ATR: variants seen among roughly 807,000 people sequenced by gnomAD.
ATR encodes ATR checkpoint kinase.
ATR carries 142 observed loss-of-function variants against 305.3 expected under a neutral mutation model. That is an observed-to-expected ratio of 0.47 (90% confidence interval 0.41 to 0.53). The LOEUF is 0.53. Among genes scored for constraint, ATR ranks in the 20% least tolerant of loss-of-function variants. The pLI is 0.00. For missense variants in ATR, 2,135 were observed against 3,133.1 expected (o/e 0.68, Z 7.60); for synonymous variants, 1,050 against 1,068.1 (o/e 0.98, Z 0.33).
chr3:142,563,656 C>G (rs1017924140), intron 3 of ATR, among the ~76,000 whole-genome samples: 8 of 152,124 alleles, frequency 5.3e-5, no homozygotes, highest in African/African-American at 1.7e-4. Flanking sequence ...ATTAATAACC[C>G]TTACAATGGC....
At chr3:142,464,582 T>C (rs2071087323) in intron 41 of ATR, among the ~76,000 whole-genome samples, 1 of 152,194 alleles carries the variant, frequency 6.6e-6, no homozygotes, top group Non-Finnish European at 1.5e-5. Context: ...TGCTGTAAAA[T>C]GAATGAACTT....
Position 142,559,396 on chromosome 3 carries a change from A to G in ATR, c.1587T>C (p.Ser529=). Residue 529 remains serine (S), a synonymous_variant, in exon 7 of 47, where the codon TCT becomes TCC. Transcript: ENST00000350721. ...DCQHKSKKKP[S]VVITWMSLDF... is the part of the protein sequence containing the mutation. ...CCAATGACATCCAAGTTATCACTAC[A>G]GAAGGTTTCTTCTTGGATTTATGTT... is the stretch of plus-strand genomic sequence containing the variant. 1.9e-6 allele frequency: 3 copies of G among 1,613,992 alleles called. No homozygotes were observed. Among genetic ancestry groups the G allele is most frequent in the Non-Finnish European group, 1.7e-6 (2 of 1,179,918 alleles).
intron 38 of ATR, among the ~76,000 whole-genome samples, chr3:142,468,379 TAA>T (rs2071180210): frequency 6.6e-6 from 1 of 152,074 alleles, no homozygotes; most frequent in African/African-American, 2.4e-5. Flanking sequence ...ACTAAACAGT[TAA>T]ATAAGTTATT....
Position 142,485,285 on chromosome 3 carries a change from A to T in ATR, c.6079-3T>A. ...TCTGGCAGGCACGCGGTCACATCCT[A>T]TAAAAAAGAACATAGGATACCTACC... is the stretch of plus-strand genomic sequence containing the variant. On this transcript the variant is annotated splice_region_variant and splice_polypyrimidine_tract_variant and intron_variant, in intron 35 of 46. Transcript: ENST00000350721. 2 of 1,614,038 alleles carry T rather than the reference A, an allele frequency of 1.2e-6. No individual in the cohort carries two copies. The highest frequency in any genetic ancestry group is 2.2e-5 in the South Asian group (2 of 91,066).
intron 22 of ATR, among the ~76,000 whole-genome samples, chr3:142,523,253 CT>C (rs2033229503): frequency 6.6e-6 from 1 of 152,036 alleles, no homozygotes; most frequent in African/African-American, 2.4e-5. Context: ...AAGCCCATCT[CT>C]ACTAAAAATA....
At chr3:142,495,983 C>T (rs2031566281) in intron 34 of ATR, among the ~76,000 whole-genome samples, 1 of 151,818 alleles carries the variant, frequency 6.6e-6, no homozygotes, top group Admixed American at 6.6e-5. Context: ...GACAGAGTTA[C>T]ATTCATTTAA....
chr3:142,480,629 T>C (rs558470719), intron 36 of ATR, among the ~76,000 whole-genome samples: 1 of 152,310 alleles, frequency 6.6e-6, no homozygotes, highest in South Asian at 2.1e-4. Flanking sequence ...GACAGGGACA[T>C]TTAAGTCTGC....
chr3:142,551,865 A>G lies in ATR; in HGVS notation c.2805+1362T>C, dbSNP rs1271748417. 3.3e-5 allele frequency among the ~76,000 whole-genome samples: 5 copies of G among 152,226 alleles called. No homozygotes were observed. The East Asian group carries it at 9.6e-4, about 29-fold the overall frequency. ...GAGCTTCTGCACAGCAAAATAAACT[A>G]TCATCACAGTGGACAGACAACCTAC... On this transcript the variant is annotated intron_variant, in intron 13 of 46. Transcript: ENST00000350721.
At chr3:142,503,488 C>T in intron 29 of ATR, 35 bp from the exon 30 acceptor site, 1 of 1,372,712 alleles carries the variant, frequency 7.3e-7, no homozygotes. Context: ...TAGCAATTAT[C>T]ACTTCAATAA....
At chr3:142,491,942 TA>T (rs1383711142) in intron 35 of ATR, among the ~76,000 whole-genome samples, 1 of 152,234 alleles carries the variant, frequency 6.6e-6, no homozygotes, top group African/African-American at 2.4e-5. Context: ...TCTACTGATT[TA>T]TTTTTTTTCC....
chr3:142,566,286 A>G (rs1436352861), intron 2 of ATR, 25 bp from the exon 3 acceptor site: 1 of 1,611,024 alleles, frequency 6.2e-7, no homozygotes, highest in Admixed American at 1.7e-5. Flanking sequence ...TTCATTTTAA[A>G]GAGTCATGAC....
chr3:142,484,655 A>G (rs2030791011), intron 36 of ATR, among the ~76,000 whole-genome samples: 1 of 152,210 alleles, frequency 6.6e-6, no homozygotes, highest in Admixed American at 6.5e-5. Context: ...CCCAACTTGA[A>G]GCCAGTTGGT....
At chr3:142,470,016 C>T in intron 37 of ATR, 70 bp downstream of exon 37, 1 of 1,252,534 alleles carries the variant, frequency 8.0e-7, no homozygotes, top group Non-Finnish European at 1.1e-6. Context: ...TTAGACTGTC[C>T]AGCCAAATCT....
chr3:142,559,565 T>A, intron 6 of ATR, 124 bp from the exon 7 acceptor site: 1 of 904,812 alleles, frequency 1.1e-6, no homozygotes, highest in Non-Finnish European at 1.7e-6. Flanking sequence ...CAATTTAAAG[T>A]AAACATGCAA....
chr3:142,465,627 T>C (rs1217849286), intron 40 of ATR: 1 of 159,216 alleles, frequency 6.3e-6, no homozygotes, highest in Non-Finnish European at 1.4e-5. Flanking sequence ...TAAAAGTAGT[T>C]TGATTTTTGA....
chr3:142,494,839 T>C (rs2031492174), intron 34 of ATR, among the ~76,000 whole-genome samples: 2 of 152,232 alleles, frequency 1.3e-5, no homozygotes, highest in Non-Finnish European at 2.9e-5. Context: ...TGATTCGATG[T>C]GGATTTTAGA....
At chr3:142,483,847 A>G (rs1051286000) in intron 36 of ATR, among the ~76,000 whole-genome samples, 1 of 150,978 alleles carries the variant, frequency 6.6e-6, no homozygotes, top group Non-Finnish European at 1.5e-5. Context: ...TAAATAAAAT[A>G]AAATAAAATG....
In ATR at chr3:142,460,726, T is replaced by G. The variant is rs536146972; in HGVS notation, c.7192+1214A>C. 9.2e-5 allele frequency among the ~76,000 whole-genome samples: 14 copies of G among 152,302 alleles called. No homozygotes were observed. In the East Asian group the frequency reaches 2.7e-3, roughly 29 times the overall value. The stretch of plus-strand genomic sequence containing the variant: ...TGAAAACATATACTTATTTTCTACT[T>G]CACTTTGACAACTTGATCTATTCAT... On this transcript the variant is annotated intron_variant, in intron 42 of 46. Coordinates refer to ENST00000350721, the MANE Select transcript of ATR (RefSeq NM_001184.4).
chr3:142,564,185 G>A (rs935311031), intron 3 of ATR, among the ~76,000 whole-genome samples: 12 of 150,058 alleles, frequency 8.0e-5, no homozygotes, highest in South Asian at 2.1e-4. Context: ...AAGGTACAAC[G>A]TAAACATAAC....
Sources: gnomAD v4.1 joint callset for allele counts (sites outside exome capture counted in the v4.1 genomes callset) on GRCh38, gnomAD v4.1.1 for gene constraint, MANE v1.5 for transcripts, NCBI Gene and HGNC (gene_info 2026-07-23, HGNC 2026-07-21) for gene names.